The following KCND2 variants were observed in gnomAD, a reference collection of about 807,000 sequenced individuals.
KCND2 encodes the protein A-type voltage-gated potassium channel KCND2.
In KCND2, 16 loss-of-function variants were observed where a neutral mutation model predicts 54.4. The ratio of observed to expected loss-of-function variants is 0.29; its 90% CI spans 0.20 to 0.45. The LOEUF is 0.45. KCND2 is among the 20% of genes least tolerant of loss of function. The pLI is 1.00. For synonymous variants in KCND2, 317 were observed against 310.7 expected (o/e 1.02, Z -0.21); for missense variants, 486 against 824.2 (o/e 0.59, Z 5.02).
At chr7:120,392,379 G>C (rs1801091675) in intron 1 of KCND2, among the ~76,000 whole-genome samples, 2 of 150,842 alleles carry the variant, frequency 1.3e-5, no homozygotes, top group African/African-American at 4.9e-5. Flanking sequence ...TTTTGTTTAG[G>C]ATTGTCTTGG....
At chr7:120,315,775 T>C (rs1467194989) in intron 1 of KCND2, among the ~76,000 whole-genome samples, 481 of 15,138 alleles carry the variant, frequency 0.032, 4 homozygotes, top group African/African-American at 0.045. Context: ...AGTGTGTGTG[T>C]GTGTGTGTGT....
intron 1 of KCND2, among the ~76,000 whole-genome samples, chr7:120,438,795 T>C (rs934773005): frequency 3.3e-5 from 5 of 152,200 alleles, no homozygotes; most frequent in African/African-American, 4.8e-5. Flanking sequence ...TCAGATTTTA[T>C]TGTGCTCATT....
chr7:120,318,919 A>G (rs1799853891), intron 1 of KCND2, among the ~76,000 whole-genome samples: 1 of 152,072 alleles, frequency 6.6e-6, no homozygotes, highest in Non-Finnish European at 1.5e-5. Flanking sequence ...TAGGAAGATT[A>G]AACAAACTAA....
chr7:120,748,012 A>G lies in KCND2; in HGVS notation c.*154A>G. 3.1e-6 allele frequency: 2 copies of G among 655,284 alleles called. No homozygotes were observed. The highest frequency in any genetic ancestry group is 5.3e-6 in the Non-Finnish European group (2 of 376,814). 40.6% of individuals were successfully genotyped at this position (655,284 alleles called of 1,614,324 possible). On this transcript the variant is annotated 3_prime_UTR_variant, in exon 6 of 6. Coordinates refer to ENST00000331113, the MANE Select transcript of KCND2 (RefSeq NM_012281.3). ...CAAAGCTTCCAATCTTAAGGATGTG[A>G]ATAAAACCACCAAATGGCATTTCTA...
intron 1 of KCND2, among the ~76,000 whole-genome samples, chr7:120,619,386 T>G (rs1267178449): frequency 1.3e-5 from 2 of 152,168 alleles, no homozygotes; most frequent in African/African-American, 4.8e-5. Flanking sequence ...CACTCCAGTC[T>G]GGGCAACAGA....
intron 1 of KCND2, among the ~76,000 whole-genome samples, chr7:120,372,411 TGTTA>T (rs1321618832): frequency 9.9e-5 from 15 of 152,002 alleles, no homozygotes; most frequent in South Asian, 4.2e-4. Flanking sequence ...ATATTACAGC[TGTTA>T]GTTCACTGGG....
At chr7:120,531,810 G>A (rs909917530) in intron 1 of KCND2, among the ~76,000 whole-genome samples, 2 of 152,002 alleles carry the variant, frequency 1.3e-5, no homozygotes, top group Admixed American at 1.3e-4. Flanking sequence ...CCTGGATTTT[G>A]TTTGATTTGT....
At chr7:120,536,532 A>C (rs990141385) in intron 1 of KCND2, among the ~76,000 whole-genome samples, 2 of 152,206 alleles carry the variant, frequency 1.3e-5, no homozygotes, top group African/African-American at 2.4e-5. Context: ...CAATCTTCTC[A>C]TACCCTGCAT....
chr7:120,435,446 A>G (rs1442045695), intron 1 of KCND2, among the ~76,000 whole-genome samples: 1 of 151,836 alleles, frequency 6.6e-6, no homozygotes, highest in Non-Finnish European at 1.5e-5. Context: ...AGCTACCTCC[A>G]TTCTTTCCAG....
At chr7:120,521,317 A>T (rs10257622) in intron 1 of KCND2, among the ~76,000 whole-genome samples, 13,670 of 151,742 alleles carry the variant, frequency 0.09, 1,458 homozygotes, top group African/African-American at 0.27. Flanking sequence ...CCAATTTTTA[A>T]AAAAAAAATT....
intron 1 of KCND2, among the ~76,000 whole-genome samples, chr7:120,449,126 G>A (rs1203817008): frequency 3.3e-5 from 5 of 152,004 alleles, no homozygotes; most frequent in South Asian, 2.1e-4. Context: ...CCAGGAGATC[G>A]AGACCATCCT....
At chr7:120,395,701 A>G (rs964295847) in intron 1 of KCND2, among the ~76,000 whole-genome samples, 1 of 152,052 alleles carries the variant, frequency 6.6e-6, no homozygotes, top group Admixed American at 6.6e-5. Context: ...GGGAGTTTCC[A>G]GAATCATATA....
At chr7:120,339,700 T>TGC (rs1800213012) in intron 1 of KCND2, among the ~76,000 whole-genome samples, 1 of 152,172 alleles carries the variant, frequency 6.6e-6, no homozygotes, top group Non-Finnish European at 1.5e-5. Flanking sequence ...CATAGACATG[T>TGC]GCACACACAC....
chr7:120,606,254 T>C (rs1332011207), intron 1 of KCND2, among the ~76,000 whole-genome samples: 1 of 152,218 alleles, frequency 6.6e-6, no homozygotes, highest in African/African-American at 2.4e-5. Flanking sequence ...ATTACTTTTA[T>C]ATTGTTGTAT....
At chr7:120,289,073 CACACAGAGAG>C (rs879520822) in intron 1 of KCND2, among the ~76,000 whole-genome samples, 9,779 of 34,708 alleles carry the variant, frequency 0.28, 394 homozygotes, top group Non-Finnish European at 0.47. Flanking sequence ...CACACACACA[CACACAGAGAG>C]AGAGAGAGAG....
chr7:120,279,795 T>A (rs2116253016), intron 1 of KCND2, among the ~76,000 whole-genome samples: 1 of 152,022 alleles, frequency 6.6e-6, no homozygotes, highest in South Asian at 2.1e-4. Flanking sequence ...ATTTATCATA[T>A]GCATATATAT....
chr7:120,602,232 GTTA>G (rs1369412577), intron 1 of KCND2, among the ~76,000 whole-genome samples: 1 of 152,202 alleles, frequency 6.6e-6, no homozygotes, highest in African/African-American at 2.4e-5. Context: ...TATTAAATGG[GTTA>G]TTATGAAAAA....
chr7:120,467,983 A>G (rs1802403524), intron 1 of KCND2, among the ~76,000 whole-genome samples: 1 of 152,122 alleles, frequency 6.6e-6, no homozygotes, highest in South Asian at 2.1e-4. Context: ...TACGAAGTTC[A>G]CTGTTAACAT....
At chr7:120,496,495 G>T (rs1802849721) in intron 1 of KCND2, among the ~76,000 whole-genome samples, 1 of 151,956 alleles carries the variant, frequency 6.6e-6, no homozygotes, top group Non-Finnish European at 1.5e-5. Flanking sequence ...TGCCATCTCG[G>T]CTCACTGTAA....
Sources: gnomAD v4.1 joint callset for allele counts (sites outside exome capture counted in the v4.1 genomes callset) on GRCh38, gnomAD v4.1.1 for gene constraint, MANE v1.5 for transcripts, NCBI Gene and HGNC (gene_info 2026-07-23, HGNC 2026-07-21) for gene names.